The following OCA2 variants were observed in gnomAD, a reference collection of about 807,000 sequenced individuals.
The protein encoded by OCA2 is OCA2 melanosomal transmembrane protein, also known as P protein.
Under a neutral mutation model 100.2 loss-of-function variants are expected in OCA2, and 77 were observed. The ratio of observed to expected loss-of-function variants is 0.77; its 90% confidence interval spans 0.64 to 0.93. The LOEUF (loss-of-function observed/expected upper bound fraction) is 0.93. Ranked by LOEUF, OCA2 falls within the 40% of genes least tolerant of loss-of-function variation. The pLI is 0.00. For synonymous variants in OCA2, 432 were observed against 439.2 expected (o/e 0.98, Z 0.21); for missense variants, 1,062 against 1,089.1 (o/e 0.98, Z 0.35).
intron 23 of OCA2, among the ~76,000 whole-genome samples, chr15:27,762,611 C>G (rs1020503439): frequency 6.6e-6 from 1 of 152,130 alleles, no homozygotes; most frequent in Non-Finnish European, 1.5e-5. Flanking sequence ...CCTGTGCACC[C>G]GAACACTCCA....
At chr15:27,794,078 TC>T (rs2033213829) in intron 23 of OCA2, among the ~76,000 whole-genome samples, 1 of 152,164 alleles carries the variant, frequency 6.6e-6, no homozygotes, top group Non-Finnish European at 1.5e-5. Context: ...CATTCAAAGA[TC>T]CTGCAAACAG....
In OCA2 at chr15:28,081,875, G is replaced by T; in HGVS notation, c.-1C>A. 1 of 1,609,470 alleles carries T rather than the reference G, an allele frequency of 6.2e-7. No homozygotes were observed. Among genetic ancestry groups the T allele is most frequent in the Non-Finnish European group, 8.5e-7 (1 of 1,179,142 alleles). On this transcript the variant is annotated 5_prime_UTR_variant, in exon 2 of 24. Coordinates refer to ENST00000354638, the MANE Select transcript of OCA2 (RefSeq NM_000275.3). The stretch of plus-strand genomic sequence containing the variant: ...TGCCGTCTCTGCCCTCCAGATGCAT[G>T]CTCCACTGCCAGTCTTCTCTCTAGG...
chr15:27,928,380 CAAG>C (rs1300342488), intron 18 of OCA2, among the ~76,000 whole-genome samples: 6 of 152,036 alleles, frequency 3.9e-5, no homozygotes, highest in Non-Finnish European at 7.4e-5. Flanking sequence ...TTTCCAGTAT[CAAG>C]AAGAAGATCA....
intron 23 of OCA2, among the ~76,000 whole-genome samples, chr15:27,781,766 G>T (rs929478546): frequency 3.9e-5 from 6 of 152,164 alleles, no homozygotes; most frequent in African/African-American, 1.4e-4. Flanking sequence ...AGAGTAAAAT[G>T]ATTTTGAAAG....
intron 19 of OCA2, among the ~76,000 whole-genome samples, chr15:27,893,508 G>A (rs2037553471): frequency 6.6e-6 from 1 of 152,164 alleles, no homozygotes; most frequent in African/African-American, 2.4e-5. Context: ...GGACGTGCAA[G>A]TAGGAAATAT....
At chr15:27,875,250 GT>G (rs2036740232) in intron 19 of OCA2, among the ~76,000 whole-genome samples, 1 of 152,108 alleles carries the variant, frequency 6.6e-6, no homozygotes, top group Non-Finnish European at 1.5e-5. Context: ...TTGAAAAAAT[GT>G]TTTCTTTCCT....
intron 23 of OCA2, among the ~76,000 whole-genome samples, chr15:27,784,889 GAGAC>G (rs1566961205): frequency 2.5e-5 from 2 of 78,702 alleles, no homozygotes; most frequent in African/African-American, 1.3e-4. Context: ...CAGAAAGAGA[GAGAC>G]AGAGAGAGAG....
At chr15:27,870,163 C>A (rs1466990649) in intron 21 of OCA2, among the ~76,000 whole-genome samples, 1 of 152,172 alleles carries the variant, frequency 6.6e-6, no homozygotes, top group Non-Finnish European at 1.5e-5. Flanking sequence ...CCCGGGGGTG[C>A]CATTGTTCAG....
chr15:27,941,784 T>C (rs1036591522), intron 18 of OCA2, among the ~76,000 whole-genome samples: 3 of 152,202 alleles, frequency 2.0e-5, no homozygotes, highest in African/African-American at 4.8e-5. Context: ...CAAATCTTCA[T>C]AGCAAAAGAA....
chr15:27,909,866 G>A (rs1485479125), intron 19 of OCA2, among the ~76,000 whole-genome samples: 4 of 152,096 alleles, frequency 2.6e-5, no homozygotes, highest in African/African-American at 9.7e-5. Flanking sequence ...TAGTAAATCT[G>A]TCTACATAAA....
intron 1 of OCA2, among the ~76,000 whole-genome samples, chr15:28,088,699 A>G (rs545814793): frequency 1.3e-5 from 2 of 152,212 alleles, no homozygotes; most frequent in Non-Finnish European, 2.9e-5. Context: ...GTGATTTTCA[A>G]AAGGGGAGGG....
intron 23 of OCA2, among the ~76,000 whole-genome samples, chr15:27,770,952 A>G (rs149381282): frequency 3.3e-5 from 1 of 30,292 alleles, no homozygotes; most frequent in East Asian, 1.1e-3. Flanking sequence ...CCTTGCTTCC[A>G]TCTTTCCTTC....
At chr15:27,735,749 A>C in the OCA2 span, among the ~76,000 whole-genome samples, 1 of 152,078 alleles carries the variant, frequency 6.6e-6, no homozygotes, top group Non-Finnish European at 1.5e-5. Context: ...AAAAAACAAA[A>C]AAACAAAACA....
At chr15:27,812,100 T>C (rs2034102830) in intron 23 of OCA2, among the ~76,000 whole-genome samples, 1 of 152,236 alleles carries the variant, frequency 6.6e-6, no homozygotes, top group African/African-American at 2.4e-5. Flanking sequence ...GCTGACTCTG[T>C]ACCGATAATG....
At chr15:28,040,013 C>G (rs1397213812) in intron 2 of OCA2, among the ~76,000 whole-genome samples, 1 of 143,790 alleles carries the variant, frequency 7.0e-6, no homozygotes, top group Non-Finnish European at 1.5e-5. Context: ...GCCTGGGTGA[C>G]AGAGAGAGAC....
chr15:27,871,292 A>C (rs558649415), intron 20 of OCA2, 34 bp from the exon 21 acceptor site: 1 of 1,535,268 alleles, frequency 6.5e-7, no homozygotes, highest in African/African-American at 1.4e-5. Context: ...GCAGTGTTCC[A>C]TCGCATGCAC....
the OCA2 span, among the ~76,000 whole-genome samples, chr15:27,733,142 T>C: frequency 6.6e-6 from 1 of 152,258 alleles, no homozygotes; most frequent in Non-Finnish European, 1.5e-5. Context: ...ATCATCAAAA[T>C]ACCTCAATTT....
At chr15:27,958,862 G>C (rs1385664910) in intron 15 of OCA2, among the ~76,000 whole-genome samples, 2 of 152,130 alleles carry the variant, frequency 1.3e-5, no homozygotes, top group African/African-American at 2.4e-5. Flanking sequence ...TCAAGCAGGC[G>C]CTGGGGCACT....
intron 19 of OCA2, among the ~76,000 whole-genome samples, chr15:27,892,553 C>T (rs911774521): frequency 6.6e-6 from 1 of 151,794 alleles, no homozygotes; most frequent in Non-Finnish European, 1.5e-5. Context: ...TAGGGTGCAA[C>T]CGAAATATAA....
Sources: gnomAD v4.1 joint callset for allele counts (sites outside exome capture counted in the v4.1 genomes callset) on GRCh38, gnomAD v4.1.1 for gene constraint, MANE v1.5 for transcripts, NCBI Gene and HGNC (gene_info 2026-07-23, HGNC 2026-07-21) for gene names.